SCHIP1: variants seen among roughly 807,000 people sequenced by gnomAD.
The protein encoded by SCHIP1 is schwannomin interacting protein 1.
Under a neutral mutation model 29.7 loss-of-function variants are expected in SCHIP1, and 8 were observed. The observed-to-expected ratio is 0.27, with a 90% CI of 0.16 to 0.49. The LOEUF is 0.49. SCHIP1 is among the 20% of genes least tolerant of loss of function. The pLI is 0.99. For missense variants in SCHIP1, 193 were observed against 294.6 expected (o/e 0.66, Z 2.52); for synonymous variants, 76 against 94.9 (o/e 0.80, Z 1.16).
the SCHIP1 span, among the ~76,000 whole-genome samples, chr3:159,656,449 C>G: frequency 6.6e-6 from 1 of 152,122 alleles, no homozygotes; most frequent in Non-Finnish European, 1.5e-5. Context: ...GAAAGGCGAG[C>G]CCACTTGGCT....
chr3:159,639,736 T>C, the SCHIP1 span, among the ~76,000 whole-genome samples: 21,431 of 152,154 alleles, frequency 0.14, 4,115 homozygotes, highest in African/African-American at 0.43. Context: ...TGTTAGCCTC[T>C]CCACGTAGTT....
At chr3:159,535,469 G>T in the SCHIP1 span, among the ~76,000 whole-genome samples, 3 of 152,172 alleles carry the variant, frequency 2.0e-5, no homozygotes, top group Non-Finnish European at 4.4e-5. Flanking sequence ...CTCAGGTCCT[G>T]CTTCCTCCTG....
chr3:159,704,909 TTTC>T, the SCHIP1 span, among the ~76,000 whole-genome samples: 2 of 57,668 alleles, frequency 3.5e-5, no homozygotes, highest in Non-Finnish European at 5.7e-5. Flanking sequence ...TCTTTCTTTA[TTTC>T]TTTCTTTCTT....
rs1168576943 is a variant in SCHIP1 at position 159,886,086 on chromosome 3, C to G, written c.150-121C>G. 4.2e-6 allele frequency: 4 copies of G among 952,846 alleles called. No homozygotes were observed. In the East Asian group the frequency reaches 9.7e-5, roughly 23 times the overall value. The allele number at this position is 952,846 out of a possible 1,614,324, so 59.0% of individuals were successfully genotyped here. A position where few individuals can be genotyped will look rare whatever the true frequency, so the allele number is the denominator to read the frequency against. Reference sequence around the variant, plus strand: ...TATGTGGAGAGTAATATTGGTTGCTCATTTCTCCATGTGAAGAACACATAA... The same window carrying G: ...TATGTGGAGAGTAATATTGGTTGCTGATTTCTCCATGTGAAGAACACATAA... On this transcript the variant is annotated intron_variant, in intron 2 of 6. Coordinates refer to ENST00000445224, the Ensembl canonical transcript of SCHIP1.
the SCHIP1 span, among the ~76,000 whole-genome samples, chr3:159,734,135 CTTTTTTT>C: frequency 1.2e-4 from 12 of 100,908 alleles, no homozygotes; most frequent in East Asian, 2.7e-4. Flanking sequence ...TTATTGTTTA[CTTTTTTT>C]TTTTTTTTTT....
chr3:159,470,147 G>T, the SCHIP1 span, among the ~76,000 whole-genome samples: 1 of 152,052 alleles, frequency 6.6e-6, no homozygotes, highest in African/African-American at 2.4e-5. Context: ...CTTAAATGGT[G>T]TTATTACAAA....
chr3:159,646,693 A>G, the SCHIP1 span, among the ~76,000 whole-genome samples: 1 of 152,086 alleles, frequency 6.6e-6, no homozygotes, highest in East Asian at 1.9e-4. Flanking sequence ...CTCGTACATA[A>G]CAGTCACTGG....
chr3:159,780,395 C>G, the SCHIP1 span, among the ~76,000 whole-genome samples: 1 of 152,114 alleles, frequency 6.6e-6, no homozygotes, highest in African/African-American at 2.4e-5. Context: ...AAGTCGGGAA[C>G]CCTAATTAAT....
At chr3:159,888,875 C>T in exon 5 of SCHIP1, 1 of 1,614,100 alleles carries the variant, frequency 6.2e-7, no homozygotes, top group Non-Finnish European at 8.5e-7. Flanking sequence ...TTAAAACCCA[C>T]CGACCTGAGA....
chr3:159,797,022 T>C, the SCHIP1 span, among the ~76,000 whole-genome samples: 1 of 152,136 alleles, frequency 6.6e-6, no homozygotes, highest in Non-Finnish European at 1.5e-5. Context: ...GAGATCCACA[T>C]CTACATGTTC....
the SCHIP1 span, among the ~76,000 whole-genome samples, chr3:159,682,114 T>A: frequency 1.2e-3 from 190 of 152,214 alleles, no homozygotes; most frequent in African/African-American, 4.5e-3. Context: ...TTTGGGGAGT[T>A]TTTAATGCAC....
the SCHIP1 span, among the ~76,000 whole-genome samples, chr3:159,442,301 C>T: frequency 6.6e-6 from 1 of 152,112 alleles, no homozygotes; most frequent in Non-Finnish European, 1.5e-5. Flanking sequence ...GAGAACAGCA[C>T]CTCCAGAGAG....
At chr3:159,318,080 C>T in the SCHIP1 span, among the ~76,000 whole-genome samples, 1 of 152,124 alleles carries the variant, frequency 6.6e-6, no homozygotes, top group Admixed American at 6.5e-5. Context: ...CCATGTGTAA[C>T]CTCCATCCCT....
At chr3:159,361,607 T>C in the SCHIP1 span, among the ~76,000 whole-genome samples, 2 of 152,160 alleles carry the variant, frequency 1.3e-5, no homozygotes, top group Admixed American at 1.3e-4. Context: ...AAGAAGGACC[T>C]TTCTGGCAAG....
At chr3:159,384,204 C>T in the SCHIP1 span, among the ~76,000 whole-genome samples, 2 of 150,710 alleles carry the variant, frequency 1.3e-5, no homozygotes, top group African/African-American at 4.9e-5. Context: ...AAAGGGAATG[C>T]TTCCAGTTTT....
chr3:159,480,993 G>A, the SCHIP1 span, among the ~76,000 whole-genome samples: 1 of 152,136 alleles, frequency 6.6e-6, no homozygotes, highest in Non-Finnish European at 1.5e-5. Context: ...GGGCAGGGGC[G>A]GGGGTCACAA....
chr3:159,653,020 G>A, the SCHIP1 span, among the ~76,000 whole-genome samples: 3 of 152,166 alleles, frequency 2.0e-5, no homozygotes, highest in African/African-American at 4.8e-5. Context: ...CAGGTATGGC[G>A]AAGGAGGGGA....
chr3:159,502,798 G>C, the SCHIP1 span, among the ~76,000 whole-genome samples: 1 of 152,114 alleles, frequency 6.6e-6, no homozygotes, highest in African/African-American at 2.4e-5. Context: ...CCTTTCTAAC[G>C]TCTACCTCTT....
At chr3:159,449,554 G>A in the SCHIP1 span, among the ~76,000 whole-genome samples, 2 of 152,000 alleles carry the variant, frequency 1.3e-5, no homozygotes, top group African/African-American at 4.8e-5. Flanking sequence ...ATACTTCAGA[G>A]GATATTTTCA....
Sources: allele counts gnomAD v4.1 joint callset (sites outside exome capture counted in the v4.1 genomes callset), GRCh38; gene constraint gnomAD v4.1.1; transcripts MANE v1.5; gene names NCBI Gene and HGNC (gene_info 2026-07-23, HGNC 2026-07-21).